Variants in SLC26A8 observed in about 807,000 individuals in gnomAD.
SLC26A8 encodes solute carrier family 26 member 8.
Under a neutral mutation model 105.0 loss-of-function variants are expected in SLC26A8, and 70 were observed. The observed-to-expected ratio is 0.67, with a 90% CI of 0.55 to 0.81. The LOEUF (loss-of-function observed/expected upper bound fraction) is 0.81, where lower values mean the gene tolerates loss of function less well. Ranked by LOEUF, SLC26A8 falls within the 40% of genes least tolerant of loss-of-function variation. The probability of loss-of-function intolerance (pLI) is 0.00; values close to 1 mark genes in which losing one functional copy is unlikely to be tolerated. For synonymous variants in SLC26A8, 415 were observed against 438.3 expected, an observed-to-expected ratio of 0.95 and a Z score of 0.66; for missense variants, 998 against 1,181.8, an observed-to-expected ratio of 0.84 and a Z score of 2.28.
intron 3 of SLC26A8, among the ~76,000 whole-genome samples, chr6:36,002,640 T>C (rs1314464610): frequency 6.6e-6 from 1 of 152,198 alleles, no homozygotes; most frequent in East Asian, 1.9e-4. Flanking sequence ...TAGGAGTATG[T>C]ATATTATAAA....
At chr6:36,021,986 G>A (rs11756259) in intron 1 of SLC26A8, among the ~76,000 whole-genome samples, 1,942 of 146,218 alleles carry the variant, frequency 0.013, 22 homozygotes, top group Non-Finnish European at 0.019. Flanking sequence ...TATTTTTTTG[G>A]AGATGGAGTA....
chr6:35,998,550 C>T lies in SLC26A8; in HGVS notation c.446-631G>A, dbSNP rs1314028227. Among the ~76,000 whole-genome samples the T allele has an allele frequency of 3.1e-5, 4 of 130,286 alleles. No homozygotes were observed. In the East Asian group the frequency reaches 8.7e-4, roughly 28 times the overall value. The allele number at this position is 130,286 out of a possible 152,430, so 85.5% of individuals were successfully genotyped here. ...AGCCTGGGCAACAAGAGCGAAACTCCATCTCAAAAAAAAAAAAAGAAAAGA... is the reference window on the plus strand; with the variant it reads ...AGCCTGGGCAACAAGAGCGAAACTCTATCTCAAAAAAAAAAAAAGAAAAGA... On this transcript the variant is annotated intron_variant, in intron 4 of 19. Transcript: ENST00000490799.
rs369863567 is a variant in SLC26A8, at chr6:36,002,768, G to T, written c.329-2660C>A. 2.0e-5 allele frequency among the ~76,000 whole-genome samples: 3 copies of T among 149,266 alleles called. No individual in the cohort carries two copies. The Admixed American group carries it at 2.0e-4, about 10-fold the overall frequency. On this transcript the variant is annotated intron_variant, in intron 3 of 19. Transcript: ENST00000490799. ...GTCTCCCAGGCTGGAGTGCAGTGAT[G>T]ATCTTGGCTTGCTGCAACCTCCACC...
intron 10 of SLC26A8, among the ~76,000 whole-genome samples, chr6:35,973,516 T>C (rs1004891380): frequency 1.3e-5 from 2 of 152,144 alleles, no homozygotes; most frequent in Admixed American, 6.5e-5. Context: ...CAAAAATTCG[T>C]AAACTTTCTT....
intron 7 of SLC26A8, among the ~76,000 whole-genome samples, chr6:35,987,915 T>C (rs1389363194): frequency 6.8e-5 from 10 of 148,032 alleles, no homozygotes; most frequent in South Asian, 2.1e-4. Flanking sequence ...TTCTTTCTTT[T>C]TTTTTTTTTT....
chr6:36,002,140 C>T (rs1761541510), intron 3 of SLC26A8, among the ~76,000 whole-genome samples: 1 of 152,118 alleles, frequency 6.6e-6, no homozygotes, highest in African/African-American at 2.4e-5. Context: ...AGAAAATCTA[C>T]TCAAATTAGC....
Position 36,017,364 on chromosome 6 carries a change from G to T in SLC26A8, c.188+2156C>A, listed in dbSNP as rs1047418697. Among the ~76,000 whole-genome samples, 11 of 152,236 alleles carry T rather than the reference G, an allele frequency of 7.2e-5. 1 individual carries two copies. In the South Asian group the frequency reaches 2.1e-3, roughly 29 times the overall value. On this transcript the variant is annotated intron_variant, in intron 2 of 19. Transcript: ENST00000490799. Reference sequence around the variant, plus strand: ...AAACTCTTCTACATCAGGTGCGGTGGCTCACGTCTGTAATCCCAGCACTTT... The same window carrying T: ...AAACTCTTCTACATCAGGTGCGGTGTCTCACGTCTGTAATCCCAGCACTTT...
intron 7 of SLC26A8, among the ~76,000 whole-genome samples, chr6:35,984,285 T>C (rs1773395796): frequency 6.6e-6 from 1 of 151,480 alleles, no homozygotes; most frequent in Admixed American, 6.6e-5. Context: ...TCCAAAGGAA[T>C]ATATTCTTCT....
Position 35,968,971 on chromosome 6 carries a change from A to C in SLC26A8, c.1288-17T>G, listed in dbSNP as rs201115427. 9.3e-5 allele frequency: 149 copies of C among 1,609,834 alleles called. No individual in the cohort carries two copies. In the African/African-American group the frequency reaches 1.8e-3, roughly 19 times the overall value. ...AGATGCAAACTGAGGAGACAGAGCCAGTTGGAGAGAAACCATCAGGAACGT... is the reference window on the plus strand; with the variant it reads ...AGATGCAAACTGAGGAGACAGAGCCCGTTGGAGAGAAACCATCAGGAACGT... On this transcript the variant is annotated splice_polypyrimidine_tract_variant and intron_variant, in intron 10 of 19. Transcript: ENST00000490799.
rs1051405514 is a variant in SLC26A8 at position 35,975,724 on chromosome 6, A to C, written c.1174-236T>G. 3.0e-4 allele frequency among the ~76,000 whole-genome samples: 46 copies of C among 151,660 alleles called. 1 individual carries two copies. Among genetic ancestry groups the C allele is most frequent in the Admixed American group, 3.0e-3 (46 of 15,190 alleles). On this transcript the variant is annotated intron_variant, in intron 9 of 19. Transcript: ENST00000490799. ...AGGTCGGGAGTTTGAGACAAGCCTG[A>C]CCAACATGGAGAAACCCTGTCTCTA...
At chr6:35,953,104 T>G (rs1473090219) in intron 17 of SLC26A8, among the ~76,000 whole-genome samples, 4 of 149,992 alleles carry the variant, frequency 2.7e-5, no homozygotes, top group Non-Finnish European at 5.9e-5. Flanking sequence ...TTTCTTCCAA[T>G]AAGGAGGCAG....
rs780448398 is a variant in SLC26A8 at position 36,019,521 on chromosome 6, G to A, written c.187C>T (p.Arg63Cys). Residue 63 changes from arginine (R) to cysteine (C), a missense_variant and splice_region_variant, in exon 2 of 20, where the codon CGC becomes TGC. Physicochemically the swap from Arg to Cys is radical, Grantham distance 180 (BLOSUM62 -3). Coordinates refer to ENST00000490799, the MANE Select transcript of SLC26A8 (RefSeq NM_052961.4). ...AGGTGAAAGATTGGACACACGCACC[G>A]GCACTGGACGTGGTGTCTGAAGGTG... ...ITTFRHHVQC[R>C]CSWHRFLRCV... 5.1e-5 allele frequency: 82 copies of A among 1,612,264 alleles called. No individual in the cohort carries two copies. The South Asian group carries it at 8.4e-4, about 16-fold the overall frequency.
chr6:35,991,139 G>C (rs753019655), intron 7 of SLC26A8, among the ~76,000 whole-genome samples: 2 of 152,088 alleles, frequency 1.3e-5, no homozygotes, highest in African/African-American at 4.8e-5. Flanking sequence ...GGTGGCTCAC[G>C]CCTGTAATCC....
At chr6:35,992,203 T>C (rs1388578990) in intron 6 of SLC26A8, among the ~76,000 whole-genome samples, 1 of 152,158 alleles carries the variant, frequency 6.6e-6, no homozygotes, top group Non-Finnish European at 1.5e-5. Flanking sequence ...TGTTATAAGA[T>C]AGGTAATGAG....
At chr6:35,963,492 C>T (rs1404020840) in intron 11 of SLC26A8, among the ~76,000 whole-genome samples, 2 of 152,232 alleles carry the variant, frequency 1.3e-5, no homozygotes, top group Admixed American at 6.5e-5. Context: ...TGCATCCTTT[C>T]GCAGTGTTCT....
intron 9 of SLC26A8, 128 bp from the exon 10 acceptor site, chr6:35,975,616 T>C (rs1401961599): frequency 1.7e-6 from 1 of 589,164 alleles, no homozygotes; most frequent in East Asian, 2.8e-5. Flanking sequence ...AATAACAGAT[T>C]GAAATATTAT....
At position 35,955,189 on chromosome 6, in the gene SLC26A8, T is replaced by C. The variant is rs754457861; in HGVS notation, c.2195A>G (p.His732Arg). Residue 732 changes from histidine (H) to arginine (R), a missense_variant, in exon 17 of 20, where the codon CAC (histidine) becomes CGC (arginine). Transcript: ENST00000490799. ...GACTAACCCCCGTGAATCCACGTAG[T>C]GTACCATGGAGAAATCCAGGATGAT... The part of the protein sequence containing the change: ...HTIILDFSMV[H>R]YVDSRGLVVL... The C allele has an allele frequency of 2.5e-6, 4 of 1,613,980 alleles. No individual in the cohort carries two copies. Among genetic ancestry groups the C allele is most frequent in the Non-Finnish European group, 3.4e-6 (4 of 1,180,024 alleles).
Position 35,955,502 on chromosome 6 carries a change from A to G in SLC26A8, c.1882T>C (p.Phe628Leu). The stretch of plus-strand genomic sequence containing the variant: ...GCTTCGGGATCCAGTTTATTTTCAA[A>G]TCGCTCTGTGTAAAGAATCTGGGAC... ...PLPRILYTER[F>L]ENKLDPEASS... Residue 628 changes from phenylalanine (F) to leucine (L), a missense_variant, in exon 17 of 20, where the codon TTT becomes CTT. By Grantham distance (22) the Phe-to-Leu change is conservative. Transcript: ENST00000490799. The G allele has an allele frequency of 6.2e-7, 1 of 1,614,090 alleles. No individual in the cohort carries two copies. Among genetic ancestry groups the G allele is most frequent in the Non-Finnish European group, 8.5e-7 (1 of 1,179,986 alleles).
intron 9 of SLC26A8, among the ~76,000 whole-genome samples, chr6:35,976,733 A>G (rs1773051817): frequency 6.6e-6 from 1 of 151,430 alleles, no homozygotes; most frequent in South Asian, 2.1e-4. Context: ...TTTGGTAGAG[A>G]CAGGGTTTCA....
Sources: allele counts gnomAD v4.1 joint callset (sites outside exome capture counted in the v4.1 genomes callset), GRCh38; gene constraint gnomAD v4.1.1; transcripts MANE v1.5; gene names NCBI Gene and HGNC (gene_info 2026-07-23, HGNC 2026-07-21).